The following NECAB1 variants were observed in gnomAD, a reference collection of about 807,000 sequenced individuals.
NECAB1 encodes the protein N-terminal EF-hand calcium-binding protein 1.
In NECAB1, 29 loss-of-function variants were observed where a neutral mutation model predicts 57.5. That is an observed-to-expected ratio of 0.50 (90% confidence interval 0.38 to 0.69). The LOEUF (loss-of-function observed/expected upper bound fraction) is 0.69. NECAB1 is among the 30% of genes least tolerant of loss of function. The pLI is 0.00. For synonymous variants in NECAB1, 142 were observed against 147.7 expected (o/e 0.96, Z 0.28); for missense variants, 372 against 413.8 (o/e 0.90, Z 0.88).
In NECAB1 at chr8:90,867,644, A is replaced by G. The variant is rs1808543904; in HGVS notation, c.234-4484A>G. Among the ~76,000 whole-genome samples the G allele has an allele frequency of 2.0e-5, 3 of 152,376 alleles. No homozygotes were observed. In the South Asian group the frequency reaches 6.2e-4, roughly 32 times the overall value. On this transcript the variant is annotated intron_variant, in intron 3 of 12. Coordinates refer to ENST00000417640, the MANE Select transcript of NECAB1 (RefSeq NM_022351.5). The stretch of plus-strand genomic sequence containing the variant: ...TTGCAGTCGAGATATAGGTAAATAG[A>G]TTTATTTGTTTATCAATTATACAAA...
rs935468904 is a variant in NECAB1, at chr8:90,956,237, G to A, written c.*725G>A. 5.9e-5 allele frequency: 9 copies of A among 151,978 alleles called. No homozygotes were observed. The highest frequency in any genetic ancestry group is 1.3e-4 in the Non-Finnish European group (9 of 67,936). The allele number at this position is 151,978 out of a possible 1,614,324, so 9.4% of individuals were successfully genotyped here. On this transcript the variant is annotated 3_prime_UTR_variant, in exon 13 of 13. Transcript: ENST00000417640. Reference sequence around the variant, plus strand: ...AAGTTAAATATATCAAGAAAGAAGAGACTGTTTGGAAAAATGTGGTTCAAG... The same window carrying A: ...AAGTTAAATATATCAAGAAAGAAGAAACTGTTTGGAAAAATGTGGTTCAAG...
intron 12 of NECAB1, among the ~76,000 whole-genome samples, chr8:90,952,461 G>T (rs901906389): frequency 3.9e-5 from 6 of 152,018 alleles, no homozygotes; most frequent in East Asian, 1.9e-4. Flanking sequence ...GATGAGTGGG[G>T]GATGTATAGT....
intron 6 of NECAB1, among the ~76,000 whole-genome samples, chr8:90,919,835 A>G (rs1220730585): frequency 6.6e-6 from 1 of 152,132 alleles, no homozygotes; most frequent in Non-Finnish European, 1.5e-5. Context: ...ACCTGAGAAG[A>G]GGCTTGAAAA....
At chr8:90,879,242 G>A (rs960631757) in intron 4 of NECAB1, among the ~76,000 whole-genome samples, 4 of 144,966 alleles carry the variant, frequency 2.8e-5, no homozygotes, top group African/African-American at 7.7e-5. Context: ...AGGCTGGAGT[G>A]CAGTGGCACT....
At chr8:90,871,532 T>C (rs562212740) in intron 3 of NECAB1, among the ~76,000 whole-genome samples, 17 of 152,182 alleles carry the variant, frequency 1.1e-4, no homozygotes, top group Non-Finnish European at 1.9e-4. Context: ...TTTGATTTCT[T>C]ATTTTGTTTT....
chr8:90,830,228 C>T (rs562668567), intron 3 of NECAB1, among the ~76,000 whole-genome samples: 39 of 152,084 alleles, frequency 2.6e-4, no homozygotes, highest in African/African-American at 9.4e-4. Flanking sequence ...ATTGCAATTC[C>T]AATAGTGGAC....
At position 90,800,950 on chromosome 8, in the gene NECAB1, G is replaced by A. The variant is rs573719990; in HGVS notation, c.100-741G>A. On this transcript the variant is annotated intron_variant, in intron 1 of 12. Transcript: ENST00000417640. Reference sequence around the variant, plus strand: ...TCATTACTAAAGAGTAATGGATACCGGATGGCCAAATAGTTCTTATACATC... The same window carrying A: ...TCATTACTAAAGAGTAATGGATACCAGATGGCCAAATAGTTCTTATACATC... Among the ~76,000 whole-genome samples, 17 of 152,166 alleles carry A rather than the reference G, an allele frequency of 1.1e-4. 1 individual carries two copies. The highest frequency in any genetic ancestry group is 6.2e-4 in the South Asian group (3 of 4,820).
intron 2 of NECAB1, among the ~76,000 whole-genome samples, chr8:90,823,027 G>T (rs1226380079): frequency 6.6e-6 from 1 of 151,660 alleles, no homozygotes; most frequent in Non-Finnish European, 1.5e-5. Context: ...TATCCATCAG[G>T]TTACATGGGG....
chr8:90,823,157 C>T (rs999206080), intron 2 of NECAB1, among the ~76,000 whole-genome samples: 2 of 151,804 alleles, frequency 1.3e-5, no homozygotes, highest in African/African-American at 4.8e-5. Flanking sequence ...GTTATGTCAC[C>T]TGAATCGCTA....
rs182125153 is a variant in NECAB1, at chr8:90,933,637, C to G, written c.694-667C>G. On this transcript the variant is annotated intron_variant, in intron 8 of 12. Coordinates refer to ENST00000417640, the MANE Select transcript of NECAB1 (RefSeq NM_022351.5). Reference sequence around the variant, plus strand: ...CAAATCGGGTTCAGTGTATACTGTTCAGGTGACGGGTGCACCAACATCTCA... The same window carrying G: ...CAAATCGGGTTCAGTGTATACTGTTGAGGTGACGGGTGCACCAACATCTCA... Among the ~76,000 whole-genome samples the G allele has an allele frequency of 4.0e-3, 608 of 152,150 alleles. 3 individuals carry two copies. Among genetic ancestry groups the G allele is most frequent in the African/African-American group, 0.014 (563 of 41,508 alleles).
At chr8:90,838,414 A>T (rs564236135) in intron 3 of NECAB1, among the ~76,000 whole-genome samples, 1 of 152,240 alleles carries the variant, frequency 6.6e-6, no homozygotes, top group Admixed American at 6.5e-5. Flanking sequence ...AAACACTAAT[A>T]AAAACAAATA....
At position 90,822,878 on chromosome 8, in the gene NECAB1, A is replaced by T. The variant is rs535443659; in HGVS notation, c.125-1839A>T. On this transcript the variant is annotated intron_variant, in intron 2 of 12. Coordinates refer to ENST00000417640, the MANE Select transcript of NECAB1 (RefSeq NM_022351.5). The stretch of plus-strand genomic sequence containing the variant: ...TTCTTTTTTCTTTATTTTTTTTTTT[A>T]AACAGTACATGAAAAGGTCTTTCTT... Among the ~76,000 whole-genome samples, 4 of 150,480 alleles carry T rather than the reference A, an allele frequency of 2.7e-5. 1 individual carries two copies. The highest frequency in any genetic ancestry group is 9.8e-5 in the African/African-American group (4 of 40,968).
intron 1 of NECAB1, among the ~76,000 whole-genome samples, chr8:90,801,350 A>G (rs1256915847): frequency 1.3e-5 from 2 of 152,178 alleles, no homozygotes; most frequent in Non-Finnish European, 2.9e-5. Context: ...ATGGAATTAT[A>G]AGTAGGTATT....
chr8:90,861,180 T>C (rs1261710306), intron 3 of NECAB1, among the ~76,000 whole-genome samples: 1 of 152,116 alleles, frequency 6.6e-6, no homozygotes, highest in Non-Finnish European at 1.5e-5. Flanking sequence ...CCAAGGAGAA[T>C]TAAAGGCATC....
chr8:90,890,073 C>G (rs1466955877), intron 5 of NECAB1, among the ~76,000 whole-genome samples: 1 of 152,136 alleles, frequency 6.6e-6, no homozygotes, highest in East Asian at 1.9e-4. Context: ...TTTTGAAACT[C>G]TGACATACAT....
chr8:90,823,362 T>C (rs182276468), intron 2 of NECAB1, among the ~76,000 whole-genome samples: 9 of 150,694 alleles, frequency 6.0e-5, no homozygotes, highest in African/African-American at 1.7e-4. Flanking sequence ...CAGGACTATT[T>C]ATACTTATAT....
chr8:90,952,383 C>A (rs892683273), intron 12 of NECAB1, among the ~76,000 whole-genome samples: 3 of 152,092 alleles, frequency 2.0e-5, no homozygotes, highest in Non-Finnish European at 4.4e-5. Context: ...TGGGGAGATG[C>A]CTTTCTTTAA....
intron 5 of NECAB1, among the ~76,000 whole-genome samples, chr8:90,887,135 T>C (rs1809019023): frequency 6.6e-6 from 1 of 152,186 alleles, no homozygotes; most frequent in Non-Finnish European, 1.5e-5. Context: ...TTTACTGATA[T>C]TACAGCTTGA....
chr8:90,829,112 A>C (rs1812266261), intron 3 of NECAB1, among the ~76,000 whole-genome samples: 1 of 152,072 alleles, frequency 6.6e-6, no homozygotes, highest in Non-Finnish European at 1.5e-5. Context: ...AAGATGTTTT[A>C]AACTCACGTT....
Sources: gnomAD v4.1 joint callset for allele counts (sites outside exome capture counted in the v4.1 genomes callset) on GRCh38, gnomAD v4.1.1 for gene constraint, MANE v1.5 for transcripts, NCBI Gene and HGNC (gene_info 2026-07-23, HGNC 2026-07-21) for gene names.